The following ADCY1 variants were observed in gnomAD, a reference collection of about 807,000 sequenced individuals.
ADCY1 encodes the protein adenylate cyclase type 1.
ADCY1 carries 28 observed loss-of-function variants against 105.4 expected under a neutral mutation model. The ratio of observed to expected loss-of-function variants is 0.27; its 90% CI spans 0.20 to 0.36. The LOEUF is 0.36. ADCY1 is among the 10% of genes least tolerant of loss of function. ADCY1 has a pLI of 1.00. For synonymous variants in ADCY1, 655 were observed against 623.8 expected (o/e 1.05, Z -0.75); for missense variants, 977 against 1,434.2 (o/e 0.68, Z 5.15).
intron 14 of ADCY1, among the ~76,000 whole-genome samples, chr7:45,691,843 C>A (rs984967513): frequency 5.9e-5 from 9 of 152,204 alleles, no homozygotes; most frequent in Non-Finnish European, 4.4e-5. Context: ...AGTTAGAGAC[C>A]TGGTTCCACC....
At chr7:45,692,469 C>G (rs1784802279) in intron 14 of ADCY1, among the ~76,000 whole-genome samples, 1 of 152,144 alleles carries the variant, frequency 6.6e-6, no homozygotes, top group Non-Finnish European at 1.5e-5. Context: ...GGACCCTGAC[C>G]CAGGTAGGTT....
At chr7:45,640,584 A>G (rs1287572026) in intron 4 of ADCY1, among the ~76,000 whole-genome samples, 1 of 152,212 alleles carries the variant, frequency 6.6e-6, no homozygotes. Context: ...GACTTCCTTC[A>G]GGCCCTTAAG....
chr7:45,638,869 G>GT (rs1400877239), intron 4 of ADCY1, among the ~76,000 whole-genome samples: 2 of 152,274 alleles, frequency 1.3e-5, no homozygotes, highest in East Asian at 3.9e-4. Context: ...AAGCCCACTG[G>GT]TAGCCAGGAT....
chr7:45,581,488 A>T (rs1189477428), intron 1 of ADCY1, among the ~76,000 whole-genome samples: 2 of 152,192 alleles, frequency 1.3e-5, no homozygotes, highest in Non-Finnish European at 2.9e-5. Context: ...GAACAGCCCC[A>T]GTCGGAGGTG....
chr7:45,677,602 A>G (rs943369467), intron 8 of ADCY1, among the ~76,000 whole-genome samples: 4 of 152,132 alleles, frequency 2.6e-5, no homozygotes, highest in African/African-American at 4.8e-5. Flanking sequence ...CCCCACTGCA[A>G]ACGTGTTTAA....
At chr7:45,692,163 G>A (rs1319429982) in intron 14 of ADCY1, among the ~76,000 whole-genome samples, 1 of 152,146 alleles carries the variant, frequency 6.6e-6, no homozygotes, top group Non-Finnish European at 1.5e-5. Flanking sequence ...CGTAACCTCA[G>A]GACCCCACAT....
intron 4 of ADCY1, among the ~76,000 whole-genome samples, chr7:45,631,354 C>T (rs184952170): frequency 4.6e-5 from 7 of 152,282 alleles, no homozygotes; most frequent in Non-Finnish European, 8.8e-5. Flanking sequence ...ATAATGCAAC[C>T]GGATTCCATT....
intron 4 of ADCY1, among the ~76,000 whole-genome samples, chr7:45,626,654 T>G (rs871563): frequency 6.6e-6 from 1 of 152,158 alleles, no homozygotes; most frequent in Non-Finnish European, 1.5e-5. Context: ...ACAACTCTGG[T>G]GTAAATTGGC....
intron 4 of ADCY1, among the ~76,000 whole-genome samples, chr7:45,631,139 G>T (rs1794237798): frequency 6.6e-6 from 1 of 152,080 alleles, no homozygotes; most frequent in Non-Finnish European, 1.5e-5. Flanking sequence ...TGATCAGTGG[G>T]GTCAGTGTTG....
Position 45,716,211 on chromosome 7 carries a change from A to G in ADCY1, c.*2216A>G, listed in dbSNP as rs1456484686. ...TGCTACTGGGACATCCACAGGACCTAATGTTTATGTGGAATCTCCAGGCTG... is the reference window on the plus strand; with the variant it reads ...TGCTACTGGGACATCCACAGGACCTGATGTTTATGTGGAATCTCCAGGCTG... On this transcript the variant is annotated 3_prime_UTR_variant, in exon 20 of 20. Transcript: ENST00000297323. 2 of 152,178 alleles carry G rather than the reference A, an allele frequency of 1.3e-5. No individual in the cohort carries two copies. Among genetic ancestry groups the G allele is most frequent in the African/African-American group, 4.8e-5 (2 of 41,312 alleles). The allele number at this position is 152,178 out of a possible 1,614,324, so 9.4% of individuals were successfully genotyped here.
Position 45,684,107 on chromosome 7 carries a change from C to T in ADCY1, c.1984-872C>T, listed in dbSNP as rs532849656. On this transcript the variant is annotated intron_variant, in intron 11 of 19. Coordinates refer to ENST00000297323, the MANE Select transcript of ADCY1 (RefSeq NM_021116.4). ...TGAGCCTCACACCGCTGCAGAGCAG[C>T]GGTTCTTCTGAGATCAGCAGAGACC... Among the ~76,000 whole-genome samples the T allele has an allele frequency of 5.3e-5, 8 of 152,342 alleles. No individual in the cohort carries two copies. In the South Asian group the frequency reaches 1.5e-3, roughly 28 times the overall value.
Position 45,714,295 on chromosome 7 carries a change from C to T in ADCY1, c.*300C>T. On this transcript the variant is annotated 3_prime_UTR_variant, in exon 20 of 20. Transcript: ENST00000297323. ...CGTAGGGAGCACTGTTTCTTTCCAG[C>T]AAGCCTGTTCAGGTTTGGCCAGGTC... 1 of 428,050 alleles carries T rather than the reference C, an allele frequency of 2.3e-6. No individual in the cohort carries two copies. Among genetic ancestry groups the T allele is most frequent in the Non-Finnish European group, 4.2e-6 (1 of 237,358 alleles). The allele number at this position is 428,050 out of a possible 1,614,324, so 26.5% of individuals were successfully genotyped here. A position where few individuals can be genotyped will look rare whatever the true frequency, so the allele number is the denominator to read the frequency against.
rs1223929952 is a variant in ADCY1, at chr7:45,717,543, C to G, written c.*3548C>G. The G allele has an allele frequency of 6.6e-6, 1 of 152,406 alleles. No homozygotes were observed. Among genetic ancestry groups the G allele is most frequent in the East Asian group, 1.9e-4 (1 of 5,196 alleles). The allele number at this position is 152,406 out of a possible 1,614,324, so 9.4% of individuals were successfully genotyped here. A position where few individuals can be genotyped will look rare whatever the true frequency, so the allele number is the denominator to read the frequency against. On this transcript the variant is annotated 3_prime_UTR_variant, in exon 20 of 20. Transcript: ENST00000297323. ...GGCTTTGTAAATAGTGCACCAGTGA[C>G]AGGTGCTGCCTGTTTACTCGTACCA...
intron 2 of ADCY1, among the ~76,000 whole-genome samples, chr7:45,600,476 G>T (rs1269388847): frequency 2.6e-5 from 4 of 152,270 alleles, no homozygotes; most frequent in Admixed American, 6.5e-5. Context: ...AGCCTGTCTG[G>T]AGTAAAGTGG....
chr7:45,589,499 C>T (rs1463230639), intron 1 of ADCY1, among the ~76,000 whole-genome samples: 3 of 152,212 alleles, frequency 2.0e-5, no homozygotes, highest in Non-Finnish European at 4.4e-5. Context: ...TTGCCTTGCC[C>T]CTGTGACATG....
chr7:45,715,011 C>T lies in ADCY1; in HGVS notation c.*1016C>T, dbSNP rs1357855425. On this transcript the variant is annotated 3_prime_UTR_variant, in exon 20 of 20. Transcript: ENST00000297323. ...GATGCTGTTTCTCCGGCAGAACCAA[C>T]CCTCCAGGACGAAGTTTCAGAATTG... 1 of 152,250 alleles carries T rather than the reference C, an allele frequency of 6.6e-6. No homozygotes were observed. 9.4% of individuals were successfully genotyped at this position (152,250 alleles called of 1,614,324 possible).
Position 45,647,221 on chromosome 7 carries a change from T to C in ADCY1, c.1021-1449T>C, listed in dbSNP as rs1198323007. On this transcript the variant is annotated intron_variant, in intron 4 of 19. Transcript: ENST00000297323. The surrounding 1 kb of genome is among the most constrained non-coding windows in gnomAD (Gnocchi z 4.6). ...GAAGATACTTCCATGGACAGGCCAT[T>C]CAGCTGCTAGGCCAATCCCTGCTCA... Among the ~76,000 whole-genome samples the C allele has an allele frequency of 2.0e-5, 3 of 152,204 alleles. No individual in the cohort carries two copies. Among genetic ancestry groups the C allele is most frequent in the Admixed American group, 6.5e-5 (1 of 15,286 alleles).
At chr7:45,602,752 A>G (rs1793273435) in intron 2 of ADCY1, among the ~76,000 whole-genome samples, 1 of 152,238 alleles carries the variant, frequency 6.6e-6, no homozygotes, top group Non-Finnish European at 1.5e-5. Context: ...GTCCAACTGA[A>G]TAAAGTTCAC....
chr7:45,610,297 G>A (rs770582581), intron 2 of ADCY1, 82 bp from the exon 3 acceptor site: 191 of 1,276,502 alleles, frequency 1.5e-4, no homozygotes, highest in Non-Finnish European at 1.9e-4. Context: ...GGGGCCCGGC[G>A]CCCTTACTGG....
Sources: allele counts gnomAD v4.1 joint callset (sites outside exome capture counted in the v4.1 genomes callset), GRCh38; gene constraint gnomAD v4.1.1; non-coding constraint Gnocchi (gnomAD v3.1); transcripts MANE v1.5; gene names NCBI Gene and HGNC (gene_info 2026-07-23, HGNC 2026-07-21).